Variants in UROC1 observed in about 807,000 individuals in gnomAD.
UROC1 encodes urocanate hydratase.
In UROC1, 79 loss-of-function variants were observed where a neutral mutation model predicts 89.5. The observed-to-expected ratio is 0.88, with a 90% confidence interval of 0.74 to 1.06. The LOEUF is 1.06. Among genes scored for constraint, UROC1 ranks in the 50% least tolerant of loss-of-function variants. The pLI is 0.00. For synonymous variants in UROC1, 361 were observed against 354.8 expected, an observed-to-expected ratio of 1.02 and a Z score of -0.20; for missense variants, 885 against 907.8, an observed-to-expected ratio of 0.97 and a Z score of 0.32.
chr3:126,499,468 T>C, intron 12 of UROC1, 59 bp from the exon 13 acceptor site: 1 of 1,534,936 alleles, frequency 6.5e-7, no homozygotes, highest in Non-Finnish European at 8.9e-7. Context: ...CCACCCTAGA[T>C]GGCAACTTAA....
intron 1 of UROC1, among the ~76,000 whole-genome samples, chr3:126,511,885 A>G (rs1279083911): frequency 1.3e-5 from 2 of 152,280 alleles, no homozygotes; most frequent in African/African-American, 4.8e-5. Flanking sequence ...TTTAGCCTAG[A>G]TATGTCTTCA....
chr3:126,484,953 G>A (rs1935478738), intron 18 of UROC1, among the ~76,000 whole-genome samples: 2 of 152,180 alleles, frequency 1.3e-5, no homozygotes, highest in Non-Finnish European at 2.9e-5. Flanking sequence ...GCATCCCAGA[G>A]GGTCAGAGAC....
chr3:126,482,457 T>C lies in UROC1; in HGVS notation c.1919A>G (p.Gln640Arg). ...CTGGCAGATGATCTCATAGGCCTTC[T>C]GGTTCCCTGACCAGCAGCGCCGGGC... ...GVARRCWSGN[Q>R]KAYEIICQTM... Residue 640 changes from glutamine (Q) to arginine (R), a missense_variant, in exon 20 of 20, where the codon CAG (glutamine) becomes CGG (arginine). Gln to Arg is a conservative substitution (Grantham distance 43). Coordinates refer to ENST00000290868, the MANE Select transcript of UROC1 (RefSeq NM_144639.3). The C allele has an allele frequency of 6.2e-7, 1 of 1,614,048 alleles. No individual in the cohort carries two copies. The highest frequency in any genetic ancestry group is 1.1e-5 in the South Asian group (1 of 91,082).
chr3:126,492,388 A>G (rs753758683), intron 16 of UROC1, 30 bp downstream of exon 16: 2 of 1,599,622 alleles, frequency 1.3e-6, no homozygotes, highest in Admixed American at 3.4e-5. Context: ...AGGCTGAGGG[A>G]TGCTTCCCCC....
At chr3:126,501,638 G>C (rs1173410221) in intron 9 of UROC1, among the ~76,000 whole-genome samples, 1 of 152,244 alleles carries the variant, frequency 6.6e-6, no homozygotes, top group Non-Finnish European at 1.5e-5. Context: ...ATTCACTAAA[G>C]ATGATTCCCA....
chr3:126,502,477 G>A (rs1180787907), intron 9 of UROC1, among the ~76,000 whole-genome samples: 1 of 151,746 alleles, frequency 6.6e-6, no homozygotes. Flanking sequence ...GCATGTGTGT[G>A]CATACGTATT....
In UROC1 at chr3:126,508,492, GT is replaced by G. The variant is rs1560126840; in HGVS notation, c.352-18del. The G allele has an allele frequency of 1.2e-6, 2 of 1,611,324 alleles. No homozygotes were observed. Among genetic ancestry groups the G allele is most frequent in the Non-Finnish European group, 1.7e-6 (2 of 1,178,230 alleles). On this transcript the variant is annotated intron_variant, in intron 3 of 19. Transcript: ENST00000290868. Reference sequence around the variant, plus strand: ...CTGGGGAAACTGAGGAAGACACGGGGTCATCTGAGATGAGGGCCTGGGAAGG... The same window carrying G: ...CTGGGGAAACTGAGGAAGACACGGGGCATCTGAGATGAGGGCCTGGGAAGG...
intron 15 of UROC1, 38 bp from the exon 16 acceptor site, chr3:126,492,554 A>G (rs1935680018): frequency 1.3e-6 from 2 of 1,550,170 alleles, no homozygotes; most frequent in Non-Finnish European, 8.8e-7. Context: ...CAGCCAACAT[A>G]GGCAGCAATA....
chr3:126,489,833 G>A (rs958646750), intron 16 of UROC1, among the ~76,000 whole-genome samples: 23 of 152,188 alleles, frequency 1.5e-4, no homozygotes, highest in South Asian at 6.2e-4. Context: ...TTTAACTTAC[G>A]ATGTATTCAT....
Position 126,517,505 on chromosome 3 carries a change from T to C in UROC1, c.126+89A>G, listed in dbSNP as rs1687480. 1 allele frequency: 1,604,914 copies of C among 1,605,678 alleles called. 802,079 individuals are homozygous for C. Among genetic ancestry groups the C allele is most frequent in the East Asian group, 1 (44,750 of 44,750 alleles). ...GGGTGGGCGGCTGAGCAGCTCCCAC[T>C]AAGAGGGCAGGAAGCCTGGGTGCTC... On this transcript the variant is annotated intron_variant, in intron 1 of 19. Transcript: ENST00000290868.
chr3:126,488,479 CGTCTAGT>C (rs1416663961), intron 17 of UROC1, among the ~76,000 whole-genome samples, 200 bp from the exon 18 acceptor site: 2 of 152,212 alleles, frequency 1.3e-5, no homozygotes, highest in Non-Finnish European at 2.9e-5. Context: ...AACTGACACA[CGTCTAGT>C]TGTCCCATGG....
chr3:126,513,544 C>T (rs937011316), intron 1 of UROC1, among the ~76,000 whole-genome samples: 2 of 152,210 alleles, frequency 1.3e-5, no homozygotes, highest in Non-Finnish European at 2.9e-5. Flanking sequence ...TTGCCGCTCT[C>T]TGACTGCCCT....
At chr3:126,489,169 C>T in intron 17 of UROC1, 107 bp downstream of exon 17, 1 of 1,122,478 alleles carries the variant, frequency 8.9e-7, no homozygotes, top group Non-Finnish European at 1.3e-6. Context: ...TGCCGAGCCT[C>T]TCAGGTGCCA....
At chr3:126,504,920 G>C (rs544279679) in intron 8 of UROC1, among the ~76,000 whole-genome samples, 1 of 152,306 alleles carries the variant, frequency 6.6e-6, no homozygotes, top group South Asian at 2.1e-4. Flanking sequence ...GGGGCCTGAT[G>C]GGGGGTGTTT....
chr3:126,505,891 C>G (rs1235931094), intron 7 of UROC1, 47 bp from the exon 8 acceptor site: 1 of 1,611,624 alleles, frequency 6.2e-7, no homozygotes. Context: ...CCAGCCCGCC[C>G]CCTCCACCCC....
intron 4 of UROC1, 115 bp downstream of exon 4, chr3:126,508,301 G>A: frequency 7.3e-7 from 1 of 1,363,230 alleles, no homozygotes; most frequent in Non-Finnish European, 1.0e-6. Flanking sequence ...GGAGCCTCAG[G>A]CACCAGGGAG....
rs1367851836 is a variant in UROC1, at chr3:126,481,995, G to A, written c.*350C>T. 2.4e-5 allele frequency: 8 copies of A among 329,592 alleles called. No homozygotes were observed. The highest frequency in any genetic ancestry group is 4.0e-5 in the Non-Finnish European group (7 of 173,902). 20.4% of individuals were successfully genotyped at this position (329,592 alleles called of 1,614,324 possible). On this transcript the variant is annotated 3_prime_UTR_variant, in exon 20 of 20. Coordinates refer to ENST00000290868, the MANE Select transcript of UROC1 (RefSeq NM_144639.3). ...GACAGAGTTGCATGGAGGCTGGCAG[G>A]TGGCCAGGAAGCAGAGGGTGTGATC...
chr3:126,511,673 C>G (rs940745411), intron 1 of UROC1, among the ~76,000 whole-genome samples: 1 of 152,218 alleles, frequency 6.6e-6, no homozygotes, highest in South Asian at 2.1e-4. Context: ...GGAAATGACT[C>G]GGCCATTCTT....
chr3:126,506,156 G>A (rs1936055331), intron 6 of UROC1, 145 bp from the exon 7 acceptor site: 1 of 902,778 alleles, frequency 1.1e-6, no homozygotes, highest in Non-Finnish European at 1.7e-6. Flanking sequence ...AATAGAGAGA[G>A]CACAGAGAAC....
Sources: gnomAD v4.1 joint callset for allele counts (sites outside exome capture counted in the v4.1 genomes callset) on GRCh38, gnomAD v4.1.1 for gene constraint, MANE v1.5 for transcripts, NCBI Gene and HGNC (gene_info 2026-07-23, HGNC 2026-07-21) for gene names.